Variants in PLA2R1 observed in about 807,000 individuals in gnomAD.
PLA2R1 encodes secretory phospholipase A2 receptor.
A neutral mutation model predicts 195.9 loss-of-function variants in PLA2R1; 158 were observed. The ratio of observed to expected loss-of-function variants is 0.81; its 90% CI spans 0.71 to 0.92. PLA2R1 has a LOEUF of 0.92. Ranked by LOEUF, PLA2R1 falls within the 40% of genes least tolerant of loss-of-function variation. The probability of loss-of-function intolerance (pLI) is 0.00; values close to 1 mark genes in which losing one functional copy is unlikely to be tolerated. For missense variants in PLA2R1, 1,626 were observed against 1,764.6 expected (o/e 0.92, Z 1.41); for synonymous variants, 586 against 598.2 (o/e 0.98, Z 0.30).
intron 1 of PLA2R1, among the ~76,000 whole-genome samples, chr2:160,048,942 G>A (rs1178419399): frequency 2.0e-5 from 3 of 147,306 alleles, no homozygotes; most frequent in African/African-American, 5.0e-5. Flanking sequence ...CCGGGTTCAC[G>A]CCATTCTCCT....
intron 11 of PLA2R1, among the ~76,000 whole-genome samples, chr2:159,993,843 A>T (rs2667000): frequency 0.86 from 130,387 of 152,074 alleles, 56,139 homozygotes; most frequent in African/African-American, 0.92. Flanking sequence ...GAAAAACACC[A>T]CTAATGGGTC....
chr2:160,046,750 G>GT (rs1694901444), intron 1 of PLA2R1, among the ~76,000 whole-genome samples: 1 of 152,100 alleles, frequency 6.6e-6, no homozygotes, highest in African/African-American at 2.4e-5. Flanking sequence ...AAAATGAATG[G>GT]TTTTAGGGAG....
rs561172046 is a variant in PLA2R1, at chr2:159,973,995, G to A, written c.2595+2073C>T. 3.3e-5 allele frequency among the ~76,000 whole-genome samples: 5 copies of A among 152,058 alleles called. No individual in the cohort carries two copies. In the South Asian group the frequency reaches 1.0e-3, roughly 32 times the overall value. The stretch of plus-strand genomic sequence containing the variant: ...CCCTTCCATGGGAGGCATTATCTAC[G>A]CCATCCCCATTGGCTTCCCAACTTC... On this transcript the variant is annotated intron_variant, in intron 17 of 29. Transcript: ENST00000283243.
chr2:159,992,220 G>A (rs989323967), intron 11 of PLA2R1, among the ~76,000 whole-genome samples: 1 of 151,918 alleles, frequency 6.6e-6, no homozygotes, highest in Admixed American at 6.6e-5. Context: ...GGCCAGTGAT[G>A]ATGAGCATTT....
chr2:159,924,729 TGG>T, the PLA2R1 span, among the ~76,000 whole-genome samples: 22,163 of 117,436 alleles, frequency 0.19, 2,210 homozygotes, highest in South Asian at 0.42. Context: ...CTCTGGGGGC[TGG>T]GGGGGGGGCG....
At position 159,951,329 on chromosome 2, in the gene PLA2R1, AG is replaced by A; in HGVS notation, c.3540+10del. 6.9e-7 allele frequency: 1 copy of A among 1,452,890 alleles called. No homozygotes were observed. The highest frequency in any genetic ancestry group is 9.7e-7 in the Non-Finnish European group (1 of 1,032,834). 90.0% of individuals were successfully genotyped at this position (1,452,890 alleles called of 1,614,324 possible). On this transcript the variant is annotated intron_variant, in intron 24 of 29. Coordinates refer to ENST00000283243, the MANE Select transcript of PLA2R1 (RefSeq NM_007366.5). Reference sequence around the variant, plus strand: ...TATTCAAGGATGTCTCAAGGGAGTTAGGATACCTACATCTGTGGTGAACAGT... The same window carrying A: ...TATTCAAGGATGTCTCAAGGGAGTTAGATACCTACATCTGTGGTGAACAGT...
intron 23 of PLA2R1, among the ~76,000 whole-genome samples, chr2:159,953,497 A>C (rs1397710963): frequency 1.3e-5 from 2 of 152,268 alleles, no homozygotes; most frequent in Non-Finnish European, 2.9e-5. Flanking sequence ...TATATGCTAG[A>C]AGTATGCTAA....
At chr2:160,040,235 G>A (rs1036456259) in intron 3 of PLA2R1, among the ~76,000 whole-genome samples, 1 of 151,904 alleles carries the variant, frequency 6.6e-6, no homozygotes, top group Non-Finnish European at 1.5e-5. Flanking sequence ...TTTCATTCTG[G>A]TTGGTGAATA....
At chr2:160,037,631 C>T (rs1020444615) in intron 3 of PLA2R1, among the ~76,000 whole-genome samples, 15 of 152,060 alleles carry the variant, frequency 9.9e-5, no homozygotes, top group African/African-American at 3.4e-4. Context: ...CTATTTAAAC[C>T]ATATACCCTC....
chr2:159,971,804 A>G (rs778262411), intron 17 of PLA2R1, among the ~76,000 whole-genome samples: 8 of 152,208 alleles, frequency 5.3e-5, no homozygotes, highest in Admixed American at 3.9e-4. Context: ...AGAACCCAAT[A>G]GCCCTCTAAC....
At chr2:159,953,496 G>C (rs1313403422) in intron 23 of PLA2R1, among the ~76,000 whole-genome samples, 1 of 152,230 alleles carries the variant, frequency 6.6e-6, no homozygotes, top group Non-Finnish European at 1.5e-5. Context: ...ATATATGCTA[G>C]AAGTATGCTA....
intron 1 of PLA2R1, 51 bp from the exon 2 acceptor site, chr2:160,045,208 A>G: frequency 7.2e-7 from 1 of 1,392,438 alleles, no homozygotes; most frequent in Non-Finnish European, 1.0e-6. Context: ...ATAATTAACT[A>G]GCGTCATGAG....
intron 1 of PLA2R1, among the ~76,000 whole-genome samples, chr2:160,046,482 C>T (rs1346730883): frequency 3.9e-5 from 6 of 152,118 alleles, no homozygotes; most frequent in Non-Finnish European, 7.3e-5. Flanking sequence ...CATGGATCCA[C>T]GAGGGAACAA....
Position 160,005,704 on chromosome 2 carries a change from T to C in PLA2R1, c.1782A>G (p.Val594=), listed in dbSNP as rs1402624598. 1 of 1,614,074 alleles carries C rather than the reference T, an allele frequency of 6.2e-7. No homozygotes were observed. Among genetic ancestry groups the C allele is most frequent in the East Asian group, 2.2e-5 (1 of 44,884 alleles). Residue 594 remains valine, a synonymous_variant, in exon 11 of 30, where the codon GTA becomes GTG. Coordinates refer to ENST00000283243, the MANE Select transcript of PLA2R1 (RefSeq NM_007366.5). ...ACTGCACCGGCTCGGGTTTCTGCCC[T>C]ACTGGCTTCCAAGTGTATTCTCCCG... ...NDTGEYTWKP[V]GQKPEPVQYT... is the part of the protein sequence containing the mutation.
At chr2:159,979,774 G>A (rs1689819997) in intron 14 of PLA2R1, 56 bp downstream of exon 14, 1 of 1,015,382 alleles carries the variant, frequency 9.8e-7, no homozygotes, top group South Asian at 1.3e-5. Flanking sequence ...TTACCAAGTG[G>A]TCCCAGGCCC....
intron 9 of PLA2R1, among the ~76,000 whole-genome samples, chr2:160,015,969 C>G (rs1187082750): frequency 6.6e-6 from 1 of 152,138 alleles, no homozygotes; most frequent in African/African-American, 2.4e-5. Flanking sequence ...CACTTGAAAA[C>G]TAGGAAAACC....
Position 160,062,473 on chromosome 2 carries a change from T to C in PLA2R1, c.-70A>G, listed in dbSNP as rs925409. The C allele has an allele frequency of 5.5e-6, 8 of 1,451,924 alleles. No individual in the cohort carries two copies. The highest frequency in any genetic ancestry group is 6.3e-6 in the Non-Finnish European group (7 of 1,105,994). The allele number at this position is 1,451,924 out of a possible 1,614,324, so 89.9% of individuals were successfully genotyped here. On this transcript the variant is annotated 5_prime_UTR_variant, in exon 1 of 30. Coordinates refer to ENST00000283243, the MANE Select transcript of PLA2R1 (RefSeq NM_007366.5). ...CTTATCCCGGGAGCCCAGAGCCGCG[T>C]CCCAAGCACCCGGCCCCGCCGCGCG...
intron 20 of PLA2R1, among the ~76,000 whole-genome samples, chr2:159,963,881 A>C (rs901778899): frequency 8.5e-5 from 13 of 152,220 alleles, no homozygotes; most frequent in Non-Finnish European, 1.9e-4. Context: ...GTAGGTATAC[A>C]TTCAAAAGAA....
chr2:160,036,370 G>A (rs1400933499), intron 3 of PLA2R1, among the ~76,000 whole-genome samples: 1 of 152,176 alleles, frequency 6.6e-6, no homozygotes, highest in Non-Finnish European at 1.5e-5. Context: ...TTAGGAGTGA[G>A]AAGTCCTACT....
Sources: gnomAD v4.1 joint callset for allele counts (sites outside exome capture counted in the v4.1 genomes callset) on GRCh38, gnomAD v4.1.1 for gene constraint, MANE v1.5 for transcripts, NCBI Gene and HGNC (gene_info 2026-07-23, HGNC 2026-07-21) for gene names.